The following NRG3 variants were observed in gnomAD, a reference collection of about 807,000 sequenced individuals.
The protein encoded by NRG3 is pro-neuregulin-3, membrane-bound isoform.
In NRG3, 31 loss-of-function variants were observed where a neutral mutation model predicts 66.9. That is an observed-to-expected ratio of 0.46 (90% CI 0.35 to 0.63). NRG3 has a LOEUF of 0.63. Ranked by LOEUF, NRG3 falls within the 20% of genes least tolerant of loss-of-function variation. NRG3 has a pLI of 0.00. For missense variants in NRG3, 910 were observed against 878.9 expected, an observed-to-expected ratio of 1.04 and a Z score of -0.45; for synonymous variants, 393 against 359.4, an observed-to-expected ratio of 1.09 and a Z score of -1.06.
intron 1 of NRG3, among the ~76,000 whole-genome samples, chr10:82,004,028 C>CACACACACACACACACAT (rs1444609157): frequency 6.2e-5 from 9 of 145,630 alleles, no homozygotes; most frequent in African/African-American, 2.3e-4. Context: ...CACACACACA[C>CACACACACACACACACAT]ACACACAGAT....
chr10:82,558,008 G>A (rs1414339923), intron 2 of NRG3, among the ~76,000 whole-genome samples: 2 of 152,158 alleles, frequency 1.3e-5, no homozygotes, highest in African/African-American at 2.4e-5. Context: ...GGAGCTCTAG[G>A]GAGGAAGGTC....
chr10:82,922,422 T>C (rs1846525047), intron 4 of NRG3, among the ~76,000 whole-genome samples: 1 of 152,202 alleles, frequency 6.6e-6, no homozygotes, highest in South Asian at 2.1e-4. Context: ...ATAAGGCTAT[T>C]TCTTTACCTA....
intron 1 of NRG3, among the ~76,000 whole-genome samples, chr10:82,245,904 C>T (rs748991717): frequency 6.6e-6 from 1 of 151,460 alleles, no homozygotes; most frequent in Non-Finnish European, 1.5e-5. Flanking sequence ...ATACATTTAT[C>T]CTACTTTACA....
chr10:82,761,946 T>C (rs1325675506), intron 3 of NRG3, among the ~76,000 whole-genome samples: 18 of 146,006 alleles, frequency 1.2e-4, no homozygotes, highest in African/African-American at 4.1e-4. Context: ...CTTTCTTTCT[T>C]TCTTTCTTTC....
chr10:81,959,461 C>G (rs1564691000), intron 1 of NRG3, among the ~76,000 whole-genome samples: 1 of 151,462 alleles, frequency 6.6e-6, no homozygotes, highest in Non-Finnish European at 1.5e-5. Flanking sequence ...AGATTCTCTT[C>G]AGAAAAAAAA....
chr10:82,151,216 C>A (rs1310874421), intron 1 of NRG3, among the ~76,000 whole-genome samples: 1 of 152,176 alleles, frequency 6.6e-6, no homozygotes, highest in African/African-American at 2.4e-5. Context: ...CAGCCTTCTG[C>A]AGTACCAGTG....
At chr10:82,679,690 C>T (rs2053971035) in intron 2 of NRG3, among the ~76,000 whole-genome samples, 1 of 152,082 alleles carries the variant, frequency 6.6e-6, no homozygotes, top group Admixed American at 6.5e-5. Context: ...ACCCAAGTGA[C>T]ATATCTCAAT....
intron 1 of NRG3, among the ~76,000 whole-genome samples, chr10:82,114,222 G>A (rs1333248947): frequency 5.9e-5 from 9 of 152,032 alleles, no homozygotes; most frequent in Admixed American, 5.9e-4. Context: ...CATCTCTTAG[G>A]TGATGCATAT....
intron 2 of NRG3, among the ~76,000 whole-genome samples, chr10:82,489,435 T>C (rs2132231476): frequency 6.6e-6 from 1 of 152,278 alleles, no homozygotes; most frequent in Middle Eastern, 3.4e-3. Flanking sequence ...TAGGGCAGTC[T>C]CTGTGTCTAG....
intron 2 of NRG3, among the ~76,000 whole-genome samples, chr10:82,477,784 G>A (rs111674270): frequency 9.9e-4 from 150 of 152,278 alleles, no homozygotes; most frequent in African/African-American, 3.5e-3. Flanking sequence ...GGCATAAACC[G>A]AGGGGACAGG....
chr10:82,880,914 A>G (rs1402690657), intron 4 of NRG3, among the ~76,000 whole-genome samples: 3 of 152,184 alleles, frequency 2.0e-5, no homozygotes, highest in Non-Finnish European at 4.4e-5. Context: ...GTGGCTCCCC[A>G]GTGACCCACT....
At chr10:82,494,282 T>C (rs1240097188) in intron 2 of NRG3, among the ~76,000 whole-genome samples, 1 of 152,206 alleles carries the variant, frequency 6.6e-6, no homozygotes, top group Non-Finnish European at 1.5e-5. Context: ...TTTTTTATCT[T>C]CTGTTGACTT....
In NRG3 at chr10:82,949,719, G is replaced by A. The variant is rs144518275; in HGVS notation, c.1055-1750G>A. ...AAAGTACAAAAAGTAGCTAAGCATG[G>A]TGGCAGGTGCCTATAGTCCTAGCTA... On this transcript the variant is annotated intron_variant, in intron 4 of 8. Coordinates refer to ENST00000372141, the MANE Select transcript of NRG3 (RefSeq NM_001010848.4). Among the ~76,000 whole-genome samples the A allele has an allele frequency of 2.4e-3, 370 of 152,138 alleles. 3 individuals carry two copies. Among genetic ancestry groups the A allele is most frequent in the African/African-American group, 8.4e-3 (348 of 41,490 alleles).
chr10:82,447,866 G>A (rs1231656869), intron 2 of NRG3, among the ~76,000 whole-genome samples: 1 of 152,130 alleles, frequency 6.6e-6, no homozygotes, highest in Non-Finnish European at 1.5e-5. Context: ...AATATAAATA[G>A]CTGCTCTTGA....
At chr10:82,011,163 C>G (rs964582786) in intron 1 of NRG3, among the ~76,000 whole-genome samples, 10 of 152,062 alleles carry the variant, frequency 6.6e-5, no homozygotes, top group Admixed American at 5.9e-4. Context: ...ACTCACAGTT[C>G]CACATAGCTG....
chr10:82,269,794 A>T (rs1166933406), intron 1 of NRG3, among the ~76,000 whole-genome samples: 1 of 152,080 alleles, frequency 6.6e-6, no homozygotes, highest in African/African-American at 2.4e-5. Flanking sequence ...GTGAATCCTG[A>T]CAATTTCATT....
intron 1 of NRG3, among the ~76,000 whole-genome samples, chr10:82,348,857 C>T (rs1457666356): frequency 6.6e-6 from 1 of 150,572 alleles, no homozygotes; most frequent in African/African-American, 2.4e-5. Context: ...CAGTTGATTG[C>T]ATCGGCTCCT....
At chr10:82,281,476 T>A (rs2079117389) in intron 1 of NRG3, among the ~76,000 whole-genome samples, 1 of 152,072 alleles carries the variant, frequency 6.6e-6, no homozygotes, top group African/African-American at 2.4e-5. Flanking sequence ...AGAAATCTGT[T>A]GCACAGTTAA....
chr10:82,332,441 A>G (rs2082181944), intron 1 of NRG3, among the ~76,000 whole-genome samples: 1 of 152,050 alleles, frequency 6.6e-6, no homozygotes, highest in African/African-American at 2.4e-5. Flanking sequence ...ACCTTTCACA[A>G]ACTAACACAT....
Sources: allele counts gnomAD v4.1 joint callset (sites outside exome capture counted in the v4.1 genomes callset), GRCh38; gene constraint gnomAD v4.1.1; transcripts MANE v1.5; gene names NCBI Gene and HGNC (gene_info 2026-07-23, HGNC 2026-07-21).